LMF1: variants seen among roughly 807,000 people sequenced by gnomAD.
LMF1 encodes the protein transmembrane protein 112.
Under a neutral mutation model 60.6 loss-of-function variants are expected in LMF1, and 68 were observed. The ratio of observed to expected loss-of-function variants is 1.12; its 90% CI spans 0.92 to 1.37. The LOEUF is 1.37. Among genes scored for constraint, LMF1 ranks in the 40% most tolerant of loss-of-function variants. The pLI is 0.00. For synonymous variants in LMF1, 418 were observed against 324.7 expected (o/e 1.29, Z -3.09); for missense variants, 948 against 767.2 (o/e 1.24, Z -2.78).
chr16:953,895 ACACG>A (rs2072574323), intron 2 of LMF1, among the ~76,000 whole-genome samples: 1 of 62,894 alleles, frequency 1.6e-5, no homozygotes, highest in African/African-American at 6.4e-5. Flanking sequence ...CCAGCCTCCT[ACACG>A]TCCACACAGA....
At chr16:892,006 A>T (rs1373778256) in intron 5 of LMF1, among the ~76,000 whole-genome samples, 2 of 152,186 alleles carry the variant, frequency 1.3e-5, no homozygotes, top group African/African-American at 4.8e-5. Flanking sequence ...TGGGCTATGG[A>T]GACATCTCAA....
At chr16:969,323 T>A (rs575932208) in intron 1 of LMF1, among the ~76,000 whole-genome samples, 9 of 151,512 alleles carry the variant, frequency 5.9e-5, no homozygotes, top group East Asian at 3.9e-4. Context: ...TCGAAAAAAA[T>A]AAATAAATAA....
At chr16:945,011 C>T (rs796394360) in intron 2 of LMF1, among the ~76,000 whole-genome samples, 3 of 149,500 alleles carry the variant, frequency 2.0e-5, no homozygotes, top group South Asian at 2.1e-4. Context: ...GTCAGGAGTT[C>T]GAGACCAGCC....
In LMF1 at chr16:878,312, C is replaced by CG. The variant is rs990891300; in HGVS notation, c.897+1257dup. Among the ~76,000 whole-genome samples the CG allele has an allele frequency of 9.2e-5, 14 of 152,064 alleles. No homozygotes were observed. Among genetic ancestry groups the CG allele is most frequent in the Admixed American group, 2.0e-4 (3 of 15,258 alleles). On this transcript the variant is annotated intron_variant, in intron 6 of 10. Coordinates refer to ENST00000262301, the MANE Select transcript of LMF1 (RefSeq NM_022773.4). The surrounding 1 kb of genome is among the most constrained non-coding windows in gnomAD (Gnocchi z 5.2). ...CACAGGGAAATCACCTGATGGGCAC[C>CG]GGTGCCAGCCTCCAAGCAGCTAACG...
At chr16:971,776 A>C (rs2073055569), upstream of LMF1, among the ~76,000 whole-genome samples, 1 of 152,348 alleles carries the variant, frequency 6.6e-6, no homozygotes, top group East Asian at 1.9e-4. Flanking sequence ...GAGGAAAGAA[A>C]GGGCGTGAGG....
At chr16:860,184 C>G (rs1022913635) in intron 10 of LMF1, among the ~76,000 whole-genome samples, 1 of 138,832 alleles carries the variant, frequency 7.2e-6, no homozygotes, top group Middle Eastern at 3.5e-3. Context: ...CTGTCTGTAG[C>G]TTAAAAATTA....
chr16:904,523 G>A (rs1235905202), intron 4 of LMF1, among the ~76,000 whole-genome samples: 1 of 79,836 alleles, frequency 1.3e-5, no homozygotes, highest in East Asian at 4.0e-4. Flanking sequence ...GCGTGGTGGT[G>A]ACCTCTGCAT....
chr16:978,167 ACAC>A (rs2073226612), intron 1 of LMF1, among the ~76,000 whole-genome samples: 1 of 146,420 alleles, frequency 6.8e-6, no homozygotes, highest in African/African-American at 2.6e-5. Flanking sequence ...CACACACACC[ACAC>A]ACCATACACG....
intron 10 of LMF1, among the ~76,000 whole-genome samples, chr16:868,504 G>A (rs1407187151): frequency 2.0e-5 from 3 of 152,174 alleles, no homozygotes; most frequent in Admixed American, 6.5e-5. Flanking sequence ...CGGAGTGGGC[G>A]AGGCTGCAGG....
At chr16:894,418 G>A (rs1179110293) in intron 4 of LMF1, among the ~76,000 whole-genome samples, 1 of 24,988 alleles carries the variant, frequency 4.0e-5, no homozygotes, top group Non-Finnish European at 7.6e-5. Context: ...ACCGTCCGTC[G>A]ACTCATCCCC....
At chr16:921,679 G>A (rs2071435447) in intron 3 of LMF1, among the ~76,000 whole-genome samples, 1 of 152,160 alleles carries the variant, frequency 6.6e-6, no homozygotes, top group African/African-American at 2.4e-5. Context: ...TCCAGCTAAT[G>A]ATGTGGGAAG....
At chr16:855,940 G>A in intron 10 of LMF1, 1 of 456,002 alleles carries the variant, frequency 2.2e-6, no homozygotes. Flanking sequence ...CTGGCTTTGA[G>A]TCTCTTTGGG....
chr16:876,151 C>T lies in LMF1; in HGVS notation c.897+3419G>A, dbSNP rs570702017. Among the ~76,000 whole-genome samples, 189 of 152,368 alleles carry T rather than the reference C, an allele frequency of 1.2e-3. 1 individual carries two copies. Among genetic ancestry groups the T allele is most frequent in the African/African-American group, 4.4e-3 (181 of 41,592 alleles). ...TTCAGAGGCTGAGTGGAGAAACAAA[C>T]CGGGGCACGTGCGGACCACGGGCGT... On this transcript the variant is annotated intron_variant, in intron 6 of 10. Coordinates refer to ENST00000262301, the MANE Select transcript of LMF1 (RefSeq NM_022773.4).
chr16:885,810 G>C (rs1252230180), intron 5 of LMF1, among the ~76,000 whole-genome samples: 1 of 152,150 alleles, frequency 6.6e-6, no homozygotes, highest in African/African-American at 2.4e-5. Flanking sequence ...CTCAATAATT[G>C]ATAAAACAGG....
upstream of LMF1, chr16:981,548 G>A (rs2073378066): frequency 6.1e-6 from 1 of 163,622 alleles, no homozygotes; most frequent in Non-Finnish European, 1.4e-5. Flanking sequence ...GGGCTCCAGA[G>A]AGGGGAGCTC....
At chr16:963,425 TATACATGTGCACCTGTGCATGG>T (rs1291810633) in intron 1 of LMF1, among the ~76,000 whole-genome samples, 1 of 152,102 alleles carries the variant, frequency 6.6e-6, no homozygotes, top group Non-Finnish European at 1.5e-5. Context: ...TGTGCACATG[TATACATGTGCACCTGTGCATGG>T]ATGCCCTGTG....
intron 10 of LMF1, among the ~76,000 whole-genome samples, chr16:859,162 C>G (rs1266792918): frequency 2.3e-4 from 28 of 124,146 alleles, no homozygotes; most frequent in African/African-American, 1.1e-4. Flanking sequence ...GCAGTGGTGT[C>G]TCGGGACGGG....
intron 5 of LMF1, among the ~76,000 whole-genome samples, chr16:886,384 C>G (rs1437983704): frequency 6.6e-6 from 1 of 152,122 alleles, no homozygotes; most frequent in African/African-American, 2.4e-5. Context: ...AAATCCAGGC[C>G]CACGGAAGGT....
chr16:959,115 T>C (rs2072770296), intron 1 of LMF1, among the ~76,000 whole-genome samples: 1 of 152,146 alleles, frequency 6.6e-6, no homozygotes, highest in Non-Finnish European at 1.5e-5. Context: ...AGAAGCCTCA[T>C]GCAGATGCTC....
Sources: allele counts gnomAD v4.1 joint callset (sites outside exome capture counted in the v4.1 genomes callset), GRCh38; gene constraint gnomAD v4.1.1; non-coding constraint Gnocchi (gnomAD v3.1); transcripts MANE v1.5; gene names NCBI Gene and HGNC (gene_info 2026-07-23, HGNC 2026-07-21).